Variants in ATP2C2 observed in about 807,000 individuals in gnomAD.
ATP2C2 encodes calcium-transporting ATPase type 2C member 2.
In ATP2C2, 171 loss-of-function variants were observed where a neutral mutation model predicts 110.8. The ratio of observed to expected loss-of-function variants is 1.54; its 90% CI spans 1.36 to 1.75. ATP2C2 has a LOEUF of 1.75. Among genes scored for constraint, ATP2C2 ranks in the 40% most tolerant of loss-of-function variants. The probability of loss-of-function intolerance (pLI) is 0.00; values close to 1 mark genes in which losing one functional copy is unlikely to be tolerated. For synonymous variants in ATP2C2, 804 were observed against 508.4 expected (o/e 1.58, Z -7.82); for missense variants, 1,963 against 1,235.0 (o/e 1.59, Z -8.84).
At chr16:84,414,636 G>A (rs1906675256) in intron 6 of ATP2C2, among the ~76,000 whole-genome samples, 1 of 152,188 alleles carries the variant, frequency 6.6e-6, no homozygotes, top group South Asian at 2.1e-4. Context: ...GCACGTGGCT[G>A]TGGGGAGAGG....
At position 84,459,263 on chromosome 16, in the gene ATP2C2, C is replaced by A. The variant is rs768399662; in HGVS notation, c.2217-7C>A. 1.9e-6 allele frequency: 3 copies of A among 1,614,030 alleles called. No homozygotes were observed. Among genetic ancestry groups the A allele is most frequent in the Non-Finnish European group, 2.5e-6 (3 of 1,180,000 alleles). ...GCGGCCGCTGACTGGCTGCGTGTGCCCCGCAGGAGCATCTCCGCCCTGAGT... is the reference window on the plus strand; with the variant it reads ...GCGGCCGCTGACTGGCTGCGTGTGCACCGCAGGAGCATCTCCGCCCTGAGT... On this transcript the variant is annotated splice_polypyrimidine_tract_variant and splice_region_variant and intron_variant, in intron 22 of 26. Transcript: ENST00000262429.
intron 1 of ATP2C2, among the ~76,000 whole-genome samples, chr16:84,396,858 C>T (rs1905016635): frequency 6.6e-6 from 1 of 151,862 alleles, no homozygotes; most frequent in South Asian, 2.1e-4. Flanking sequence ...CTGCTGTGCT[C>T]CTGGGCACTG....
At chr16:84,390,007 G>A (rs1904556475) in intron 1 of ATP2C2, among the ~76,000 whole-genome samples, 1 of 152,152 alleles carries the variant, frequency 6.6e-6, no homozygotes, top group South Asian at 2.1e-4. Flanking sequence ...ACAGGCCTGA[G>A]CCACCATGTC....
At position 84,437,760 on chromosome 16, in the gene ATP2C2, C is replaced by T. The variant is rs141473677; in HGVS notation, c.987-1406C>T. On this transcript the variant is annotated intron_variant, in intron 11 of 26. Transcript: ENST00000262429. ...CAAACTCCTGACCTCAGGTGATCTG[C>T]CCACCTGGGCCTCCCAAAGTGCTGG... Among the ~76,000 whole-genome samples, 1,339 of 152,314 alleles carry T rather than the reference C, an allele frequency of 8.8e-3. 24 individuals are homozygous for T. Among genetic ancestry groups the T allele is most frequent in the African/African-American group, 0.031 (1,284 of 41,556 alleles).
At chr16:84,369,155 AG>A (rs1244677789) in intron 1 of ATP2C2, among the ~76,000 whole-genome samples, 1 of 152,256 alleles carries the variant, frequency 6.6e-6, no homozygotes, top group Non-Finnish European at 1.5e-5. Context: ...TAGCAATAAT[AG>A]AAAGCAAAGT....
intron 13 of ATP2C2, 59 bp downstream of exon 13, chr16:84,439,583 C>G: frequency 1.4e-6 from 2 of 1,474,398 alleles, no homozygotes; most frequent in South Asian, 2.3e-5. Flanking sequence ...TGTCTCCTTT[C>G]TAAACTAAGC....
At chr16:84,373,265 C>T (rs1056708274) in intron 1 of ATP2C2, among the ~76,000 whole-genome samples, 3 of 152,154 alleles carry the variant, frequency 2.0e-5, no homozygotes, top group Admixed American at 1.3e-4. Flanking sequence ...TTTGGAAAGC[C>T]GAGGCAGGCG....
Position 84,448,635 on chromosome 16 carries a change from C to T in ATP2C2, c.1606C>T (p.Gln536Ter). 2 of 1,613,988 alleles carry T rather than the reference C, an allele frequency of 1.2e-6. No homozygotes were observed. Among genetic ancestry groups the T allele is most frequent in the Non-Finnish European group, 8.5e-7 (1 of 1,179,930 alleles). ...GGIPLPLTPQ[Q>*]RSFCLQEEKR... The stretch of plus-strand genomic sequence containing the variant: ...CATCCCCCTGCCGCTGACGCCCCAG[C>T]AGAGGTCATTCTGCCTGCAGGAAGA... Residue 536 changes from glutamine to a stop codon, truncating the protein, a stop_gained, in exon 17 of 27, where the codon CAG becomes TAG. Coordinates refer to ENST00000262429, the MANE Select transcript of ATP2C2 (RefSeq NM_014861.4). LOFTEE classifies it high-confidence loss of function.
chr16:84,382,564 C>G (rs79377089), intron 1 of ATP2C2, among the ~76,000 whole-genome samples: 4 of 152,186 alleles, frequency 2.6e-5, no homozygotes, highest in African/African-American at 9.7e-5. Flanking sequence ...CAGCTCAACA[C>G]CATTGCAGCC....
intron 1 of ATP2C2, among the ~76,000 whole-genome samples, chr16:84,369,547 A>C (rs1909831095): frequency 6.6e-6 from 1 of 152,112 alleles, no homozygotes; most frequent in African/African-American, 2.4e-5. Context: ...TTCAAAAGTA[A>C]CATTTCTGAA....
intron 14 of ATP2C2, among the ~76,000 whole-genome samples, chr16:84,441,172 C>A (rs1289638828): frequency 6.6e-6 from 1 of 152,226 alleles, no homozygotes; most frequent in Non-Finnish European, 1.5e-5. Context: ...GTGGCTAATG[C>A]CCGTTATCCC....
chr16:84,415,975 C>G (rs977276770), intron 7 of ATP2C2, among the ~76,000 whole-genome samples: 1 of 152,114 alleles, frequency 6.6e-6, no homozygotes, highest in Non-Finnish European at 1.5e-5. Flanking sequence ...GTCAGGAGTT[C>G]AAGACCACCC....
intron 21 of ATP2C2, among the ~76,000 whole-genome samples, chr16:84,458,690 GCCTCCCCATC>G: frequency 6.6e-6 from 1 of 152,332 alleles, no homozygotes; most frequent in Non-Finnish European, 1.5e-5. Context: ...ATGTCCTTCA[GCCTCCCCATC>G]CCTCCCTCCT....
intron 1 of ATP2C2, among the ~76,000 whole-genome samples, chr16:84,396,934 A>G (rs1162133642): frequency 6.6e-6 from 1 of 151,808 alleles, no homozygotes; most frequent in Non-Finnish European, 1.5e-5. Context: ...GCAAATAGGC[A>G]TTTGGGAGGA....
chr16:84,451,155 G>T (rs1374630774), intron 17 of ATP2C2, among the ~76,000 whole-genome samples: 1 of 152,152 alleles, frequency 6.6e-6, no homozygotes, highest in Non-Finnish European at 1.5e-5. Flanking sequence ...GTCTTACATG[G>T]CAGCCGGCAA....
At chr16:84,458,906 C>G (rs137883484) in intron 21 of ATP2C2, among the ~76,000 whole-genome samples, 2 of 152,298 alleles carry the variant, frequency 1.3e-5, no homozygotes, top group Non-Finnish European at 2.9e-5. Flanking sequence ...GCGAACATGG[C>G]TCAAGGATCA....
intron 7 of ATP2C2, among the ~76,000 whole-genome samples, chr16:84,421,387 AT>A (rs1907324735): frequency 6.6e-6 from 1 of 152,216 alleles, no homozygotes; most frequent in African/African-American, 2.4e-5. Flanking sequence ...GGCAGTGCAC[AT>A]ATTTTTAAAA....
rs1905544430 is a variant in ATP2C2, at chr16:84,404,145, T to C, written c.211-983T>C. Among the ~76,000 whole-genome samples the C allele has an allele frequency of 5.3e-5, 8 of 152,340 alleles. No individual in the cohort carries two copies. The South Asian group carries it at 1.7e-3, about 32-fold the overall frequency. On this transcript the variant is annotated intron_variant, in intron 2 of 26. Transcript: ENST00000262429. ...CTCCAGGAATATCCCCACGTTCAGG[T>C]ACGTGAAAACTCACTGAATCCTATC...
At chr16:84,405,912 C>T (rs1283228263) in intron 3 of ATP2C2, among the ~76,000 whole-genome samples, 1 of 152,146 alleles carries the variant, frequency 6.6e-6, no homozygotes, top group Non-Finnish European at 1.5e-5. Flanking sequence ...AGAGTGAGAC[C>T]TTGTCTCCAC....
Sources: gnomAD v4.1 joint callset for allele counts (sites outside exome capture counted in the v4.1 genomes callset) on GRCh38, gnomAD v4.1.1 for gene constraint, MANE v1.5 for transcripts, NCBI Gene and HGNC (gene_info 2026-07-23, HGNC 2026-07-21) for gene names.